The following N4BP2L2 variants were observed in gnomAD, a reference collection of about 807,000 sequenced individuals.
N4BP2L2 encodes the protein NEDD4 binding protein 2 like 2.
A neutral mutation model predicts 56.2 loss-of-function variants in N4BP2L2; 50 were observed. The observed-to-expected ratio is 0.89, with a 90% confidence interval of 0.71 to 1.13. The LOEUF (loss-of-function observed/expected upper bound fraction) is 1.13, where lower values mean the gene tolerates loss of function less well. N4BP2L2 is among the 50% of genes most tolerant of loss of function. The pLI is 0.00. For missense variants in N4BP2L2, 689 were observed against 693.8 expected, an observed-to-expected ratio of 0.99 and a Z score of 0.08; for synonymous variants, 203 against 223.6, an observed-to-expected ratio of 0.91 and a Z score of 0.82.
chr13:32,534,680 C>T (rs2056045766), intron 2 of N4BP2L2, among the ~76,000 whole-genome samples: 1 of 152,176 alleles, frequency 6.6e-6, no homozygotes. Context: ...TTAAATCTTT[C>T]TCTAGTGTCT....
At chr13:32,488,082 T>A (rs1372675918) in intron 6 of N4BP2L2, among the ~76,000 whole-genome samples, 2 of 152,154 alleles carry the variant, frequency 1.3e-5, no homozygotes, top group Non-Finnish European at 2.9e-5. Flanking sequence ...AGGCCTAGTT[T>A]GCATAATTAA....
intron 6 of N4BP2L2, among the ~76,000 whole-genome samples, chr13:32,462,499 G>A (rs2080311618): frequency 6.6e-6 from 1 of 152,020 alleles, no homozygotes; most frequent in Admixed American, 6.6e-5. Flanking sequence ...TGGTTAATGA[G>A]CACAAACATA....
intron 6 of N4BP2L2, among the ~76,000 whole-genome samples, chr13:32,491,530 AT>A (rs2087058477): frequency 6.8e-6 from 1 of 148,006 alleles, no homozygotes; most frequent in African/African-American, 2.4e-5. Context: ...AAAAAACTAT[AT>A]AAACTATATA....
intron 6 of N4BP2L2, among the ~76,000 whole-genome samples, chr13:32,447,754 A>G (rs998326866): frequency 6.6e-6 from 1 of 151,428 alleles, no homozygotes; most frequent in Non-Finnish European, 1.5e-5. Context: ...GATTACAATC[A>G]GCTGCTTCAG....
intron 6 of N4BP2L2, among the ~76,000 whole-genome samples, chr13:32,476,279 T>A (rs2083304199): frequency 1.3e-5 from 2 of 152,096 alleles, no homozygotes; most frequent in South Asian, 4.1e-4. Context: ...GTTAACAGGG[T>A]AAGGGAGCAG....
chr13:32,484,412 TGAAAA>T (rs989180184), intron 6 of N4BP2L2, among the ~76,000 whole-genome samples: 3 of 152,284 alleles, frequency 2.0e-5, no homozygotes, highest in African/African-American at 7.2e-5. Context: ...AACATAAACT[TGAAAA>T]AATATAGCTA....
exon 7 of N4BP2L2, chr13:32,443,475 T>C: frequency 1.9e-6 from 3 of 1,613,360 alleles, no homozygotes; most frequent in Non-Finnish European, 2.5e-6. Flanking sequence ...TTGTATACAC[T>C]TGTTCCTCTC....
At position 32,492,272 on chromosome 13, in the gene N4BP2L2, A is replaced by ATTTTTTTTT. The variant is rs1185615708; in HGVS notation, c.365+25584_365+25585insAAAAAAAAA. Among the ~76,000 whole-genome samples the ATTTTTTTTT allele has an allele frequency of 2.1e-4, 16 of 77,092 alleles. 1 individual carries two copies. Among genetic ancestry groups the ATTTTTTTTT allele is most frequent in the African/African-American group, 8.0e-4 (14 of 17,584 alleles). The allele number at this position is 77,092 out of a possible 152,430, so 50.6% of individuals were successfully genotyped here. On this transcript the variant is annotated intron_variant, in intron 6 of 9. Coordinates refer to the N4BP2L2 transcript ENST00000357505. ...TTTTCTACACATCCCAAAACACCAA[A>ATTTTTTTTT]ATTTTTTTTTTTTTTTTTTTTTTTT...
chr13:32,522,343 T>G, intron 3 of N4BP2L2, 73 bp from the exon 4 acceptor site: 1 of 991,846 alleles, frequency 1.0e-6, no homozygotes, highest in Non-Finnish European at 1.5e-6. Flanking sequence ...ACATTTATTA[T>G]TAAGAAATGT....
chr13:32,468,495 G>A (rs955115492), intron 6 of N4BP2L2, among the ~76,000 whole-genome samples: 1 of 152,178 alleles, frequency 6.6e-6, no homozygotes, highest in African/African-American at 2.4e-5. Flanking sequence ...CAAAAGTAAA[G>A]AGGTACTTTA....
downstream of N4BP2L2, chr13:32,506,870 TTCTAA>T (rs2091038015): frequency 6.6e-6 from 1 of 152,146 alleles, no homozygotes; most frequent in African/African-American, 2.4e-5. Context: ...CTGGTCTTTA[TTCTAA>T]GAGCAATGGG....
In N4BP2L2 at chr13:32,523,537, T is replaced by G. The variant is rs1263364171; in HGVS notation, c.1385-1267A>C. ...CCATCTCTACTCAAAATACAAAAATTAGCTAGGCATGGTGGCAGGCGCCTG... is the reference window on the plus strand; with the variant it reads ...CCATCTCTACTCAAAATACAAAAATGAGCTAGGCATGGTGGCAGGCGCCTG... On this transcript the variant is annotated intron_variant, in intron 3 of 5. Coordinates refer to ENST00000267068, the Ensembl canonical transcript of N4BP2L2. The G allele has an allele frequency of 3.5e-5, 5 of 141,532 alleles. No individual in the cohort carries two copies. In the East Asian group the frequency reaches 5.9e-4, roughly 17 times the overall value. The allele number at this position is 141,532 out of a possible 1,614,324, so 8.8% of individuals were successfully genotyped here.
chr13:32,513,638 A>G (rs2048593659), exon 6 of N4BP2L2: 2 of 152,152 alleles, frequency 1.3e-5, no homozygotes, highest in Non-Finnish European at 2.9e-5. Context: ...AAAAATCACT[A>G]ACTTAACTCC....
At chr13:32,496,678 C>A (rs562797782) in intron 6 of N4BP2L2, among the ~76,000 whole-genome samples, 2 of 152,184 alleles carry the variant, frequency 1.3e-5, no homozygotes, top group East Asian at 3.9e-4. Flanking sequence ...AGGCTAATGG[C>A]CACATTCTTT....
chr13:32,508,135 T>C (rs1024499140), downstream of N4BP2L2: 2 of 152,192 alleles, frequency 1.3e-5, no homozygotes, highest in East Asian at 1.9e-4. Flanking sequence ...CAGTGAATAA[T>C]GCCCGTAAAT....
chr13:32,486,409 C>T (rs1176726115), intron 6 of N4BP2L2, among the ~76,000 whole-genome samples: 2 of 152,182 alleles, frequency 1.3e-5, no homozygotes, highest in Non-Finnish European at 2.9e-5. Flanking sequence ...GGTGTGGTGG[C>T]TCACGCCTGT....
chr13:32,495,317 G>C (rs1444620998), intron 6 of N4BP2L2, among the ~76,000 whole-genome samples: 1 of 152,122 alleles, frequency 6.6e-6, no homozygotes, highest in Non-Finnish European at 1.5e-5. Flanking sequence ...AGGATCCTTA[G>C]TAACCCATCA....
At chr13:32,478,126 T>G in intron 6 of N4BP2L2, 2 of 1,149,648 alleles carry the variant, frequency 1.7e-6, no homozygotes, top group South Asian at 2.8e-5. Context: ...GTAAATAACG[T>G]CTACGCCATG....
At chr13:32,478,574 G>A (rs73173019) in intron 6 of N4BP2L2, 2,837 of 154,182 alleles carry the variant, frequency 0.018, 62 homozygotes, top group Non-Finnish European at 0.023. Flanking sequence ...GAAAAAGAAT[G>A]TCTCTAATTG....
Sources: allele counts gnomAD v4.1 joint callset (sites outside exome capture counted in the v4.1 genomes callset), GRCh38; gene constraint gnomAD v4.1.1; transcripts MANE v1.5; gene names NCBI Gene and HGNC (gene_info 2026-07-23, HGNC 2026-07-21).